Variants in ANKRD18B observed in about 807,000 individuals in gnomAD.
ANKRD18B encodes the protein ankyrin repeat domain-containing protein 18B.
A neutral mutation model predicts 111.8 loss-of-function variants in ANKRD18B; 75 were observed. The ratio of observed to expected loss-of-function variants is 0.67; its 90% CI spans 0.56 to 0.81. The LOEUF is 0.81. Ranked by LOEUF, ANKRD18B falls within the 40% of genes least tolerant of loss-of-function variation. The pLI, the probability that ANKRD18B is intolerant of heterozygous loss-of-function variation, is 0.00. For synonymous variants in ANKRD18B, 356 were observed against 417.3 expected, an observed-to-expected ratio of 0.85 and a Z score of 1.79; for missense variants, 1,038 against 1,225.5, an observed-to-expected ratio of 0.85 and a Z score of 2.28.
chr9:33,574,570 G>T (rs1828833342), downstream of ANKRD18B: 1 of 152,650 alleles, frequency 6.6e-6, no homozygotes, highest in South Asian at 2.1e-4. Context: ...TCCTCTGTCT[G>T]CATCCCTAGG....
intron 6 of ANKRD18B, among the ~76,000 whole-genome samples, chr9:33,538,068 CTTG>C (rs1052303253): frequency 7.9e-5 from 12 of 152,114 alleles, no homozygotes; most frequent in Non-Finnish European, 1.6e-4. Context: ...AGTTCAAACT[CTTG>C]TTGTTCAAGG....
intron 14 of ANKRD18B, among the ~76,000 whole-genome samples, chr9:33,561,797 C>T (rs1259388325): frequency 6.6e-6 from 1 of 151,962 alleles, no homozygotes; most frequent in East Asian, 1.9e-4. Flanking sequence ...TTTTTGTTAA[C>T]CTTGTATAAA....
At chr9:33,541,560 T>G (rs1308498734) in intron 9 of ANKRD18B, among the ~76,000 whole-genome samples, 2 of 152,080 alleles carry the variant, frequency 1.3e-5, no homozygotes, top group Non-Finnish European at 2.9e-5. Flanking sequence ...TAACTTGGTG[T>G]GGTGTTCTGC....
At chr9:33,564,596 G>T (rs1828658187) in intron 14 of ANKRD18B, among the ~76,000 whole-genome samples, 1 of 152,130 alleles carries the variant, frequency 6.6e-6, no homozygotes. Flanking sequence ...CAGTTCCATT[G>T]TTCATTTTTT....
chr9:33,563,348 G>A (rs1828634922), intron 14 of ANKRD18B, among the ~76,000 whole-genome samples: 1 of 152,200 alleles, frequency 6.6e-6, no homozygotes, highest in Admixed American at 6.5e-5. Context: ...AGCTTCCCTA[G>A]GAAGTTGGAG....
chr9:33,562,690 A>G (rs1389805817), intron 14 of ANKRD18B, among the ~76,000 whole-genome samples: 1 of 152,228 alleles, frequency 6.6e-6, no homozygotes, highest in Non-Finnish European at 1.5e-5. Context: ...TAACTTCTCC[A>G]TGCAAACAAA....
chr9:33,559,126 C>T (rs552095851), intron 14 of ANKRD18B, among the ~76,000 whole-genome samples: 1 of 152,254 alleles, frequency 6.6e-6, no homozygotes, highest in Admixed American at 6.5e-5. Flanking sequence ...GGTTAAGGTT[C>T]TTATTATGTA....
intron 14 of ANKRD18B, among the ~76,000 whole-genome samples, chr9:33,564,618 A>T (rs1008736868): frequency 6.6e-6 from 1 of 152,182 alleles, no homozygotes; most frequent in South Asian, 2.1e-4. Flanking sequence ...AGAAAACTTC[A>T]TATTGTTTTC....
At chr9:33,535,713 AT>A (rs1828187914) in intron 5 of ANKRD18B, among the ~76,000 whole-genome samples, 1 of 146,448 alleles carries the variant, frequency 6.8e-6, no homozygotes, top group African/African-American at 2.5e-5. Flanking sequence ...TTATTTTTAT[AT>A]TTATATTATT....
intron 10 of ANKRD18B, among the ~76,000 whole-genome samples, chr9:33,546,516 A>C (rs1418718429): frequency 1.3e-5 from 2 of 152,140 alleles, no homozygotes; most frequent in Non-Finnish European, 2.9e-5. Flanking sequence ...TCTATAGTAG[A>C]AGGCTGAGTC....
chr9:33,541,860 T>C (rs1828284085), intron 9 of ANKRD18B, among the ~76,000 whole-genome samples: 1 of 152,178 alleles, frequency 6.6e-6, no homozygotes, highest in Non-Finnish European at 1.5e-5. Flanking sequence ...TCTGCCCAAA[T>C]CTCCATCTGC....
chr9:33,547,518 C>G (rs397843569), intron 10 of ANKRD18B, among the ~76,000 whole-genome samples: 1 of 152,022 alleles, frequency 6.6e-6, no homozygotes, highest in Non-Finnish European at 1.5e-5. Flanking sequence ...GGAGGTAAAG[C>G]TCTTACTATA....
chr9:33,524,922 A>G (rs1386962319), intron 1 of ANKRD18B, among the ~76,000 whole-genome samples: 4 of 152,264 alleles, frequency 2.6e-5, no homozygotes, highest in Non-Finnish European at 5.9e-5. Flanking sequence ...ATGGAGCCAT[A>G]TACATGATAG....
intron 14 of ANKRD18B, among the ~76,000 whole-genome samples, chr9:33,561,547 T>A (rs1263370845): frequency 6.6e-6 from 1 of 152,244 alleles, no homozygotes; most frequent in Non-Finnish European, 1.5e-5. Flanking sequence ...TTGAAGTTCA[T>A]TGAATCCATT....
At chr9:33,524,840 T>G (rs1382065105) in intron 1 of ANKRD18B, 145 bp downstream of exon 1, 2 of 1,037,090 alleles carry the variant, frequency 1.9e-6, no homozygotes, top group East Asian at 5.2e-5. Context: ...GCTGGGAATT[T>G]CCCGCCTGTA....
intron 14 of ANKRD18B, among the ~76,000 whole-genome samples, chr9:33,559,601 G>A (rs1278583287): frequency 6.6e-6 from 1 of 152,046 alleles, no homozygotes; most frequent in Admixed American, 6.6e-5. Context: ...GCTTTAAGCA[G>A]TGACAGATTT....
At chr9:33,534,967 T>A (rs575103048) in intron 5 of ANKRD18B, among the ~76,000 whole-genome samples, 2 of 151,950 alleles carry the variant, frequency 1.3e-5, no homozygotes, top group African/African-American at 2.4e-5. Context: ...GGTCTCGAAA[T>A]GTCCACTTTA....
At chr9:33,533,638 A>G (rs1828148549) in intron 4 of ANKRD18B, 93 bp downstream of exon 4, 1 of 1,437,706 alleles carries the variant, frequency 7.0e-7, no homozygotes. Context: ...TGTTAATAAG[A>G]TTAAACTTAT....
Position 33,566,372 on chromosome 9 carries a change from A to G in ANKRD18B, c.2614A>G (p.Lys872Glu), listed in dbSNP as rs4141844. Residue 872 changes from lysine to glutamate, a missense_variant, in exon 15 of 19, where the codon AAA (lysine) becomes GAA (glutamate). Coordinates refer to ENST00000684830, the MANE Select transcript of ANKRD18B (RefSeq NM_001393611.1). ...LEKDKKMLEE[K>E]VLNLKTHMEK... is the part of the protein sequence containing the mutation. The stretch of plus-strand genomic sequence containing the variant: ...GAAGGATAAAAAGATGTTGGAAGAA[A>G]AAGTATTAAATCTTAAGACACATAT... The G allele has an allele frequency of 0.082, 128,317 of 1,556,646 alleles. 6,465 individuals carry two copies. Among genetic ancestry groups the G allele is most frequent in the South Asian group, 0.092 (8,037 of 87,416 alleles).
Sources: gnomAD v4.1 joint callset for allele counts (sites outside exome capture counted in the v4.1 genomes callset) on GRCh38, gnomAD v4.1.1 for gene constraint, MANE v1.5 for transcripts, NCBI Gene and HGNC (gene_info 2026-07-23, HGNC 2026-07-21) for gene names.